Variants in RGS6 observed in about 807,000 individuals in gnomAD.
RGS6 encodes regulator of G protein signaling 6.
Under a neutral mutation model 78.5 loss-of-function variants are expected in RGS6, and 30 were observed. The observed-to-expected ratio is 0.38, with a 90% CI of 0.29 to 0.52. The LOEUF is 0.52. Ranked by LOEUF, RGS6 falls within the 20% of genes least tolerant of loss-of-function variation. The probability of loss-of-function intolerance (pLI) is 0.85; values close to 1 mark genes in which losing one functional copy is unlikely to be tolerated. For synonymous variants in RGS6, 206 were observed against 206.0 expected, an observed-to-expected ratio of 1.00 and a Z score of 0.00; for missense variants, 495 against 609.7, an observed-to-expected ratio of 0.81 and a Z score of 1.98.
At chr14:72,162,180 C>T (rs890428805) in intron 2 of RGS6, among the ~76,000 whole-genome samples, 7 of 31,982 alleles carry the variant, frequency 2.2e-4, no homozygotes, top group Non-Finnish European at 5.0e-4. Context: ...CTAATTAGTA[C>T]AGCAGAAAAA....
intron 2 of RGS6, among the ~76,000 whole-genome samples, chr14:72,230,951 CTG>C (rs1178547900): frequency 2.0e-5 from 3 of 152,184 alleles, no homozygotes; most frequent in Non-Finnish European, 4.4e-5. Context: ...GGCCTAAACT[CTG>C]TGAGCCAGTC....
At chr14:72,395,225 T>G (rs1040004715) in intron 3 of RGS6, among the ~76,000 whole-genome samples, 2 of 151,960 alleles carry the variant, frequency 1.3e-5, no homozygotes, top group Non-Finnish European at 2.9e-5. Context: ...AAGAAAAGAG[T>G]AAAATCATTT....
the RGS6 span, among the ~76,000 whole-genome samples, chr14:72,589,038 G>T: frequency 2.0e-5 from 3 of 152,180 alleles, no homozygotes; most frequent in Non-Finnish European, 2.9e-5. Context: ...GAGAACAAAA[G>T]ACATGAATAA....
intron 3 of RGS6, among the ~76,000 whole-genome samples, chr14:72,445,644 A>G (rs571605250): frequency 6.6e-6 from 1 of 152,200 alleles, no homozygotes; most frequent in Non-Finnish European, 1.5e-5. Context: ...CTGAATATAC[A>G]TGTGTGGGTG....
At chr14:71,876,278 C>G in the RGS6 span, among the ~76,000 whole-genome samples, 2 of 152,028 alleles carry the variant, frequency 1.3e-5, no homozygotes, top group Non-Finnish European at 2.9e-5. Flanking sequence ...GTATGGGAGC[C>G]TAAGTCTCTT....
rs940280661 is a variant in RGS6, at chr14:72,555,160, T to C, written c.1423-7257T>C. ...TAAGGCCACCCTGCCTGCCCCACCT[T>C]AGAAAGGGAAACATCACACCTGCTC... On this transcript the variant is annotated intron_variant, in intron 17 of 17. Transcript: ENST00000553525. Among the ~76,000 whole-genome samples the C allele has an allele frequency of 5.9e-5, 9 of 152,236 alleles. No individual in the cohort carries two copies. In the South Asian group the frequency reaches 1.7e-3, roughly 28 times the overall value.
Position 72,428,145 on chromosome 14 carries a change from G to A in RGS6, c.185-26383G>A, listed in dbSNP as rs2239213. 5.2e-3 allele frequency among the ~76,000 whole-genome samples: 796 copies of A among 152,234 alleles called. 22 individuals carry two copies. Among genetic ancestry groups the A allele is most frequent in the East Asian group, 0.047 (245 of 5,176 alleles). On this transcript the variant is annotated intron_variant, in intron 3 of 17. Transcript: ENST00000553525. ...ATGTTCCAGATGTGTGTGTGGAAGT[G>A]GGAAGAGGACTGATTAAGGAAAGAA...
chr14:71,875,581 A>C, the RGS6 span, among the ~76,000 whole-genome samples: 4 of 151,594 alleles, frequency 2.6e-5, no homozygotes, highest in African/African-American at 7.3e-5. Flanking sequence ...TTTGCTGATC[A>C]TTTCAAAAAA....
the RGS6 span, among the ~76,000 whole-genome samples, chr14:72,590,237 C>CA: frequency 6.6e-6 from 1 of 152,232 alleles, no homozygotes; most frequent in Non-Finnish European, 1.5e-5. Context: ...GGTAAGTTCT[C>CA]ATAACGTGAA....
In RGS6 at chr14:72,451,832, A is replaced by G. The variant is rs1040324676; in HGVS notation, c.185-2696A>G. Among the ~76,000 whole-genome samples, 12 of 151,970 alleles carry G rather than the reference A, an allele frequency of 7.9e-5. 1 individual carries two copies. In the South Asian group the frequency reaches 1.9e-3, roughly 24 times the overall value. ...TAGTGGCGCGATCTCGGCTCACTGC[A>G]ACCTCCACCTCCCGTGTTCAAGCAA... is the stretch of plus-strand genomic sequence containing the variant. On this transcript the variant is annotated intron_variant, in intron 3 of 17. Coordinates refer to ENST00000553525, the MANE Select transcript of RGS6 (RefSeq NM_001204424.2).
chr14:72,577,121 G>T, the RGS6 span, among the ~76,000 whole-genome samples: 3 of 152,310 alleles, frequency 2.0e-5, no homozygotes, highest in East Asian at 3.9e-4. Context: ...GCTGTAACAG[G>T]CAGGTATATT....
rs184854064 is a variant in RGS6, at chr14:72,534,533, C to T, written c.1279-1653C>T. Among the ~76,000 whole-genome samples the T allele has an allele frequency of 1.1e-4, 17 of 152,352 alleles. No individual in the cohort carries two copies. In the East Asian group the frequency reaches 3.1e-3, roughly 28 times the overall value. On this transcript the variant is annotated intron_variant, in intron 15 of 17. Transcript: ENST00000553525. ...TTATCACAAATGACAGGATTTCCTT[C>T]TTTGTTAAGACCAAATAGTATTCCA...
At chr14:72,167,443 T>A (rs1388924168) in intron 2 of RGS6, among the ~76,000 whole-genome samples, 1 of 152,212 alleles carries the variant, frequency 6.6e-6, no homozygotes, top group African/African-American at 2.4e-5. Context: ...CCCACATACA[T>A]TCAGGAGGGT....
At chr14:72,188,030 T>C (rs551050455) in intron 2 of RGS6, among the ~76,000 whole-genome samples, 1 of 147,010 alleles carries the variant, frequency 6.8e-6, no homozygotes, top group East Asian at 2.0e-4. Context: ...ATTTTTCTGC[T>C]TTTTTTTTTG....
the RGS6 span, among the ~76,000 whole-genome samples, chr14:71,902,917 G>A: frequency 6.6e-6 from 1 of 152,362 alleles, no homozygotes; most frequent in East Asian, 1.9e-4. Context: ...GCACAGGGCA[G>A]GTGATGTGTC....
At chr14:72,474,827 C>T (rs1192042541) in intron 10 of RGS6, 128 bp downstream of exon 10, 8 of 793,844 alleles carry the variant, frequency 1.0e-5, no homozygotes, top group Non-Finnish European at 1.6e-5. Context: ...AACCATTTCA[C>T]AAATATTGAT....
rs146259267 is a variant in RGS6, at chr14:72,253,574, C to T, written c.85-98521C>T. Among the ~76,000 whole-genome samples the T allele has an allele frequency of 1.8e-4, 27 of 152,266 alleles. No homozygotes were observed. In the East Asian group the frequency reaches 5.0e-3, roughly 28 times the overall value. ...GCCAATAAAACTTTATTTACAAACA[C>T]AGGTCTTTGGCTTGTGGGCTGTAGT... On this transcript the variant is annotated intron_variant, in intron 2 of 17. Transcript: ENST00000553525.
chr14:72,417,589 G>C (rs2093912561), intron 3 of RGS6, among the ~76,000 whole-genome samples: 1 of 152,190 alleles, frequency 6.6e-6, no homozygotes, highest in Non-Finnish European at 1.5e-5. Context: ...GTGTGACTCG[G>C]AGAACCGCAT....
chr14:72,211,309 G>A (rs1374773674), intron 2 of RGS6, among the ~76,000 whole-genome samples: 4 of 152,142 alleles, frequency 2.6e-5, no homozygotes, highest in African/African-American at 9.7e-5. Context: ...GTATAAAGAG[G>A]ACTGAAAAAT....
Sources: allele counts gnomAD v4.1 joint callset (sites outside exome capture counted in the v4.1 genomes callset), GRCh38; gene constraint gnomAD v4.1.1; transcripts MANE v1.5; gene names NCBI Gene and HGNC (gene_info 2026-07-23, HGNC 2026-07-21).